FAM171A1: variants seen among roughly 807,000 people sequenced by gnomAD.
The protein encoded by FAM171A1 is family with sequence similarity 171 member A1, also known as protein FAM171A1.
A neutral mutation model predicts 74.9 loss-of-function variants in FAM171A1; 23 were observed. That is an observed-to-expected ratio of 0.31 (90% CI 0.22 to 0.44). The LOEUF is 0.44. Ranked by LOEUF, FAM171A1 falls within the 20% of genes least tolerant of loss-of-function variation. The probability of loss-of-function intolerance (pLI) is 1.00; values close to 1 mark genes in which losing one functional copy is unlikely to be tolerated. For synonymous variants in FAM171A1, 527 were observed against 505.7 expected (o/e 1.04, Z -0.57); for missense variants, 1,162 against 1,159.2 (o/e 1.00, Z -0.03).
chr10:15,237,094 C>T (rs1189278109), intron 5 of FAM171A1, among the ~76,000 whole-genome samples: 1 of 152,094 alleles, frequency 6.6e-6, no homozygotes, highest in African/African-American at 2.4e-5. Flanking sequence ...CCTTGAGGCT[C>T]CTGGGTGATG....
chr10:15,285,941 T>C (rs774885215), intron 1 of FAM171A1, among the ~76,000 whole-genome samples: 1 of 152,228 alleles, frequency 6.6e-6, no homozygotes, highest in Non-Finnish European at 1.5e-5. Context: ...GGTTCTGCAA[T>C]TCTCACTGGA....
At chr10:15,229,309 G>A (rs1834152449) in intron 5 of FAM171A1, among the ~76,000 whole-genome samples, 1 of 152,120 alleles carries the variant, frequency 6.6e-6, no homozygotes, top group Non-Finnish European at 1.5e-5. Context: ...GGCTGTCATG[G>A]CTCTGGATGA....
intron 1 of FAM171A1, among the ~76,000 whole-genome samples, chr10:15,293,201 T>A (rs1405444369): frequency 6.6e-6 from 1 of 152,228 alleles, no homozygotes; most frequent in Non-Finnish European, 1.5e-5. Context: ...GCTGAATTAA[T>A]CTCTAAAACG....
At chr10:15,335,872 A>G (rs1955342) in intron 1 of FAM171A1, among the ~76,000 whole-genome samples, 71,393 of 152,002 alleles carry the variant, frequency 0.47, 17,395 homozygotes, top group East Asian at 0.8. Context: ...GTAGGAATAC[A>G]TCCTTAAGAT....
chr10:15,332,981 C>T (rs1244684557), intron 1 of FAM171A1, among the ~76,000 whole-genome samples: 1 of 152,218 alleles, frequency 6.6e-6, no homozygotes, highest in African/African-American at 2.4e-5. Flanking sequence ...AGCCTGCACA[C>T]CAAATACCTC....
intron 1 of FAM171A1, among the ~76,000 whole-genome samples, chr10:15,328,812 C>T (rs1780959740): frequency 6.6e-6 from 1 of 152,134 alleles, no homozygotes; most frequent in Non-Finnish European, 1.5e-5. Flanking sequence ...ACAGGTATCC[C>T]CAGGGCACCA....
intron 1 of FAM171A1, among the ~76,000 whole-genome samples, chr10:15,314,537 T>A (rs1180676998): frequency 6.6e-6 from 1 of 152,184 alleles, no homozygotes; most frequent in African/African-American, 2.4e-5. Context: ...GACCTAAAAT[T>A]GGGACCGAGG....
intron 1 of FAM171A1, among the ~76,000 whole-genome samples, chr10:15,322,214 G>A (rs570473293): frequency 4.2e-4 from 64 of 152,148 alleles, no homozygotes; most frequent in Non-Finnish European, 7.5e-4. Flanking sequence ...CAAATAATGC[G>A]TTGCTTTCTT....
At chr10:15,348,144 A>AT (rs367659101) in intron 1 of FAM171A1, among the ~76,000 whole-genome samples, 10,906 of 151,422 alleles carry the variant, frequency 0.072, 502 homozygotes, top group Middle Eastern at 0.11. Context: ...TTCCCGGCTA[A>AT]TTTTTTGTAT....
chr10:15,263,442 T>G (rs572267184), intron 3 of FAM171A1, among the ~76,000 whole-genome samples: 2 of 152,196 alleles, frequency 1.3e-5, no homozygotes, highest in African/African-American at 4.8e-5. Context: ...TTCGTATAAT[T>G]TACGAGTGTT....
Position 15,214,134 on chromosome 10 carries a change from T to C in FAM171A1, c.1454A>G (p.Tyr485Cys). Residue 485 changes from tyrosine to cysteine, a missense_variant, in exon 8 of 8, where the codon TAC becomes TGC. Coordinates refer to ENST00000378116, the MANE Select transcript of FAM171A1 (RefSeq NM_001010924.2). ...EGYESSGNDD[Y>C]RGSYNTVLSQ... is the part of the protein sequence containing the mutation. ...GAGCACGGTGTTGTAACTACCCCTGTAGTCATCATTGCCCGAGGACTCGTA... is the reference window on the plus strand; with the variant it reads ...GAGCACGGTGTTGTAACTACCCCTGCAGTCATCATTGCCCGAGGACTCGTA... The C allele has an allele frequency of 6.2e-7, 1 of 1,614,186 alleles. No homozygotes were observed.
intron 1 of FAM171A1, among the ~76,000 whole-genome samples, chr10:15,321,152 T>C (rs912073578): frequency 1.3e-5 from 2 of 152,216 alleles, no homozygotes; most frequent in Non-Finnish European, 2.9e-5. Context: ...TAATACGGCA[T>C]ATGTTTTTTG....
chr10:15,243,847 CTT>C (rs1470991345), intron 5 of FAM171A1, among the ~76,000 whole-genome samples: 26 of 152,032 alleles, frequency 1.7e-4, no homozygotes, highest in South Asian at 1.0e-3. Context: ...CCCGGGTTTA[CTT>C]ACGCCATTCT....
intron 1 of FAM171A1, among the ~76,000 whole-genome samples, chr10:15,331,671 G>T (rs1949435): frequency 0.45 from 67,328 of 151,102 alleles, 15,512 homozygotes; most frequent in East Asian, 0.8. Context: ...TTTAGGGAGT[G>T]CCTGGAATAC....
At chr10:15,239,308 A>T (rs1834334084) in intron 5 of FAM171A1, among the ~76,000 whole-genome samples, 1 of 151,708 alleles carries the variant, frequency 6.6e-6, no homozygotes, top group Middle Eastern at 3.2e-3. Flanking sequence ...ATTTATTTTT[A>T]TTTTTATTTT....
At chr10:15,357,038 G>C (rs973053665) in intron 1 of FAM171A1, among the ~76,000 whole-genome samples, 9 of 152,126 alleles carry the variant, frequency 5.9e-5, no homozygotes, top group African/African-American at 2.2e-4. Flanking sequence ...CAGCACTTTG[G>C]GAAGCTGAGG....
chr10:15,263,749 A>ATCTG (rs1233767990), intron 3 of FAM171A1, among the ~76,000 whole-genome samples: 1 of 124,740 alleles, frequency 8.0e-6, no homozygotes, highest in Non-Finnish European at 1.8e-5. Context: ...CTGTCTATCT[A>ATCTG]TCTATCTATC....
chr10:15,329,868 C>T (rs1313616198), intron 1 of FAM171A1, among the ~76,000 whole-genome samples: 1 of 152,180 alleles, frequency 6.6e-6, no homozygotes, highest in African/African-American at 2.4e-5. Flanking sequence ...GGCCCGCACA[C>T]TACCTTTGGC....
At position 15,267,767 on chromosome 10, in the gene FAM171A1, G is replaced by A. The variant is rs1301053858; in HGVS notation, c.418+8088C>T. Among the ~76,000 whole-genome samples, 9 of 152,298 alleles carry A rather than the reference G, an allele frequency of 5.9e-5. No homozygotes were observed. In the East Asian group the frequency reaches 1.7e-3, roughly 29 times the overall value. ...GACAGTGAAGTGTCCAGCTGTCAGG[G>A]CCAGCAGGGTGGCCATGAGGAGCAG... On this transcript the variant is annotated intron_variant, in intron 3 of 7. Coordinates refer to ENST00000378116, the MANE Select transcript of FAM171A1 (RefSeq NM_001010924.2).
Sources: gnomAD v4.1 joint callset for allele counts (sites outside exome capture counted in the v4.1 genomes callset) on GRCh38, gnomAD v4.1.1 for gene constraint, MANE v1.5 for transcripts, NCBI Gene and HGNC (gene_info 2026-07-23, HGNC 2026-07-21) for gene names.